The following CACNA2D3 variants were observed in gnomAD, a reference collection of about 807,000 sequenced individuals.
The protein encoded by CACNA2D3 is voltage-dependent calcium channel subunit alpha-2/delta-3.
CACNA2D3 carries 60 observed loss-of-function variants against 160.6 expected under a neutral mutation model. The observed-to-expected ratio is 0.37, with a 90% CI of 0.30 to 0.46. CACNA2D3 has a LOEUF of 0.46. Ranked by LOEUF, CACNA2D3 falls within the 20% of genes least tolerant of loss-of-function variation. The probability of loss-of-function intolerance (pLI) is 1.00; values close to 1 mark genes in which losing one functional copy is unlikely to be tolerated. For missense variants in CACNA2D3, 1,205 were observed against 1,365.0 expected, an observed-to-expected ratio of 0.88 and a Z score of 1.85; for synonymous variants, 558 against 492.9, an observed-to-expected ratio of 1.13 and a Z score of -1.75.
chr3:54,453,022 C>T (rs994637267), intron 4 of CACNA2D3, among the ~76,000 whole-genome samples: 3 of 151,746 alleles, frequency 2.0e-5, no homozygotes, highest in Non-Finnish European at 2.9e-5. Context: ...GACAGGGTCC[C>T]TCTCTGTCAC....
intron 11 of CACNA2D3, among the ~76,000 whole-genome samples, chr3:54,719,544 G>A (rs1409145157): frequency 6.6e-6 from 1 of 152,010 alleles, no homozygotes; most frequent in Non-Finnish European, 1.5e-5. Context: ...ATTTCACTGC[G>A]TTTGACTTTG....
At chr3:54,270,776 A>G (rs1298424094) in intron 2 of CACNA2D3, among the ~76,000 whole-genome samples, 2 of 151,966 alleles carry the variant, frequency 1.3e-5, no homozygotes, top group Non-Finnish European at 2.9e-5. Flanking sequence ...TGAGGTTTCT[A>G]TTTCTTTGTT....
rs1202340466 is a variant in CACNA2D3 at position 54,899,768 on chromosome 3, G to A, written c.2369-20G>A. ...CTGTAATTATCTTCATTTTTGTTGT[G>A]GTGTTTTTTCTTTTCACAGGACCAG... is the stretch of plus-strand genomic sequence containing the variant. On this transcript the variant is annotated intron_variant, in intron 26 of 37. Coordinates refer to ENST00000474759, the MANE Select transcript of CACNA2D3 (RefSeq NM_018398.3). 3 of 1,550,022 alleles carry A rather than the reference G, an allele frequency of 1.9e-6. No homozygotes were observed. Among genetic ancestry groups the A allele is most frequent in the Non-Finnish European group, 2.7e-6 (3 of 1,128,182 alleles).
intron 35 of CACNA2D3, among the ~76,000 whole-genome samples, chr3:55,043,695 C>T (rs767599929): frequency 1.3e-5 from 2 of 152,098 alleles, no homozygotes; most frequent in African/African-American, 2.4e-5. Flanking sequence ...TGTTTCATAT[C>T]TAAGAAATCT....
At chr3:54,707,392 G>A (rs1700876638) in intron 11 of CACNA2D3, among the ~76,000 whole-genome samples, 1 of 152,160 alleles carries the variant, frequency 6.6e-6, no homozygotes. Context: ...CAAAGGTTAG[G>A]TAAATTATTC....
intron 2 of CACNA2D3, among the ~76,000 whole-genome samples, chr3:54,234,404 C>T (rs112693138): frequency 3.9e-5 from 6 of 152,120 alleles, no homozygotes; most frequent in Non-Finnish European, 7.4e-5. Context: ...TATACACTGT[C>T]GATGGGAGTG....
intron 17 of CACNA2D3, among the ~76,000 whole-genome samples, chr3:54,860,823 C>T (rs1407098473): frequency 6.6e-6 from 1 of 152,160 alleles, no homozygotes; most frequent in Admixed American, 6.5e-5. Context: ...ACCTTCCTGA[C>T]CTCAGTTTCC....
chr3:54,484,863 G>T (rs113367625), intron 4 of CACNA2D3, among the ~76,000 whole-genome samples: 5,253 of 141,328 alleles, frequency 0.037, 209 homozygotes, highest in African/African-American at 0.11. Context: ...TTTTTTTTTT[G>T]GGGGATGGAG....
chr3:54,920,427 G>A (rs567296953), intron 27 of CACNA2D3, among the ~76,000 whole-genome samples: 54 of 152,186 alleles, frequency 3.5e-4, no homozygotes, highest in Non-Finnish European at 6.5e-4. Context: ...GAGTGTCTTG[G>A]GTTCCTCCTG....
chr3:54,309,142 C>T (rs547183518), intron 2 of CACNA2D3, among the ~76,000 whole-genome samples: 6 of 152,298 alleles, frequency 3.9e-5, no homozygotes, highest in South Asian at 2.1e-4. Context: ...AGGAATCTAG[C>T]GAATACTCAG....
intron 13 of CACNA2D3, among the ~76,000 whole-genome samples, chr3:54,787,491 A>G (rs1232885297): frequency 1.3e-5 from 2 of 152,274 alleles, no homozygotes; most frequent in African/African-American, 4.8e-5. Context: ...TTCAGTGACC[A>G]AAGCTGATTA....
At chr3:54,728,890 T>A (rs1022624855) in intron 11 of CACNA2D3, among the ~76,000 whole-genome samples, 4 of 152,204 alleles carry the variant, frequency 2.6e-5, no homozygotes, top group Non-Finnish European at 4.4e-5. Flanking sequence ...TGCTTAACAT[T>A]TCAGTCTTTT....
chr3:55,070,889 G>A (rs1704790079), intron 35 of CACNA2D3, among the ~76,000 whole-genome samples: 1 of 151,978 alleles, frequency 6.6e-6, no homozygotes, highest in Admixed American at 6.6e-5. Context: ...CAGTACTATA[G>A]GTTCTTTGGA....
intron 2 of CACNA2D3, among the ~76,000 whole-genome samples, chr3:54,287,062 A>G (rs895954218): frequency 5.9e-5 from 9 of 152,038 alleles, no homozygotes; most frequent in African/African-American, 9.7e-5. Flanking sequence ...GATAGGATCA[A>G]ATTCACACAT....
At chr3:54,290,763 C>T (rs7630793) in intron 2 of CACNA2D3, among the ~76,000 whole-genome samples, 50,947 of 150,248 alleles carry the variant, frequency 0.34, 9,205 homozygotes, top group African/African-American at 0.48. Flanking sequence ...TTTGTAGGGA[C>T]ATGGATGAAA....
At chr3:54,196,679 C>A (rs538590604) in intron 2 of CACNA2D3, among the ~76,000 whole-genome samples, 2 of 152,246 alleles carry the variant, frequency 1.3e-5, no homozygotes, top group East Asian at 3.9e-4. Flanking sequence ...ATTTAAATTG[C>A]GTTTTCTGTA....
At chr3:55,067,744 C>T (rs1021922037) in intron 35 of CACNA2D3, among the ~76,000 whole-genome samples, 3 of 152,010 alleles carry the variant, frequency 2.0e-5, no homozygotes, top group Admixed American at 6.5e-5. Context: ...TACATACATA[C>T]ATAAAGACAG....
At chr3:54,302,628 A>T (rs1048418722) in intron 2 of CACNA2D3, among the ~76,000 whole-genome samples, 1 of 152,118 alleles carries the variant, frequency 6.6e-6, no homozygotes, top group African/African-American at 2.4e-5. Context: ...AATAATTTTA[A>T]ACACTGAAAA....
intron 11 of CACNA2D3, among the ~76,000 whole-genome samples, chr3:54,704,664 G>A (rs906516610): frequency 1.3e-5 from 2 of 152,110 alleles, no homozygotes; most frequent in African/African-American, 4.8e-5. Flanking sequence ...TTTAACAAGA[G>A]GTGTTTAGGC....
Sources: gnomAD v4.1 joint callset for allele counts (sites outside exome capture counted in the v4.1 genomes callset) on GRCh38, gnomAD v4.1.1 for gene constraint, MANE v1.5 for transcripts, NCBI Gene and HGNC (gene_info 2026-07-23, HGNC 2026-07-21) for gene names.